The following SEMA3D variants were observed in gnomAD, a reference collection of about 807,000 sequenced individuals.
SEMA3D encodes the protein semaphorin-3D.
SEMA3D carries 84 observed loss-of-function variants against 100.1 expected under a neutral mutation model. The observed-to-expected ratio is 0.84, with a 90% confidence interval of 0.70 to 1.01. The LOEUF is 1.01. Among genes scored for constraint, SEMA3D ranks in the 50% least tolerant of loss-of-function variants. The probability of loss-of-function intolerance (pLI) is 0.00; values close to 1 mark genes in which losing one functional copy is unlikely to be tolerated. For synonymous variants in SEMA3D, 312 were observed against 320.7 expected (o/e 0.97, Z 0.29); for missense variants, 875 against 934.1 (o/e 0.94, Z 0.82).
intron 1 of SEMA3D, among the ~76,000 whole-genome samples, chr7:85,177,613 G>C (rs1791275113): frequency 6.6e-6 from 1 of 152,130 alleles, no homozygotes; most frequent in South Asian, 2.1e-4. Flanking sequence ...TTGATTTATA[G>C]AGATGACTAA....
chr7:85,003,610 T>TATA (rs10646230), intron 18 of SEMA3D, among the ~76,000 whole-genome samples: 42,259 of 151,472 alleles, frequency 0.28, 6,143 homozygotes, highest in Non-Finnish European at 0.33. Context: ...AAAATAAATG[T>TATA]ATATGTATAA....
At position 84,999,588 on chromosome 7, in the gene SEMA3D, T is replaced by C. The variant is rs1341509817; in HGVS notation, c.2186A>G (p.Gln729Arg). 6.2e-7 allele frequency: 1 copy of C among 1,614,042 alleles called. No homozygotes were observed. Among genetic ancestry groups the C allele is most frequent in the East Asian group, 2.2e-5 (1 of 44,886 alleles). The change falls in exon 19 of 19, where the codon CAG becomes CGG. Residue 729 changes from glutamine to arginine, a missense_variant. Coordinates refer to ENST00000284136, the MANE Select transcript of SEMA3D (RefSeq NM_001384900.1). ...CCTGTGCCACATCTGTTCGCAGTACTGGTCGAGGCTGAAGTTTGGGCTGCT... is the reference window on the plus strand; with the variant it reads ...CCTGTGCCACATCTGTTCGCAGTACCGGTCGAGGCTGAAGTTTGGGCTGCT... ...ILSSPNFSLDQYCEQMWHREK... is the reference protein window; with the variant it reads ...ILSSPNFSLDRYCEQMWHREK...
intron 9 of SEMA3D, among the ~76,000 whole-genome samples, chr7:85,051,478 A>G (rs1791163537): frequency 6.6e-6 from 1 of 151,858 alleles, no homozygotes; most frequent in South Asian, 2.1e-4. Flanking sequence ...ATTTCCTCTC[A>G]ATTGCCTCTG....
intron 16 of SEMA3D, among the ~76,000 whole-genome samples, chr7:85,013,348 A>G (rs952451832): frequency 1.3e-5 from 2 of 151,810 alleles, no homozygotes; most frequent in African/African-American, 4.8e-5. Context: ...AACTTGAAAT[A>G]GAATTATAAA....
chr7:85,060,310 C>G (rs954337097), intron 8 of SEMA3D, among the ~76,000 whole-genome samples: 2 of 152,128 alleles, frequency 1.3e-5, no homozygotes, highest in Non-Finnish European at 2.9e-5. Context: ...AAAATAAATA[C>G]AAGTTGCAAG....
At chr7:85,055,464 A>G (rs1791280867) in intron 9 of SEMA3D, among the ~76,000 whole-genome samples, 1 of 151,458 alleles carries the variant, frequency 6.6e-6, no homozygotes, top group Non-Finnish European at 1.5e-5. Context: ...AATAAACTGT[A>G]ATGTTTGAAA....
chr7:85,102,671 A>G (rs1456370366), intron 3 of SEMA3D, among the ~76,000 whole-genome samples: 1 of 152,050 alleles, frequency 6.6e-6, no homozygotes, highest in Non-Finnish European at 1.5e-5. Context: ...CAAGTGGATG[A>G]GAATGGGGAA....
At chr7:85,031,458 G>A (rs1426386040) in intron 12 of SEMA3D, among the ~76,000 whole-genome samples, 1 of 151,996 alleles carries the variant, frequency 6.6e-6, no homozygotes, top group African/African-American at 2.4e-5. Context: ...AATGGTAAGT[G>A]TAGTAAAGTT....
chr7:85,073,015 T>C lies in SEMA3D; in HGVS notation c.442A>G (p.Thr148Ala). 2 of 1,611,078 alleles carry C rather than the reference T, an allele frequency of 1.2e-6. No homozygotes were observed. The highest frequency in any genetic ancestry group is 1.7e-6 in the Non-Finnish European group (2 of 1,177,504). Reference sequence around the variant, plus strand: ...CCACATATTGGATGAAATGCTCCAGTTCCACACACATATATGTGAGTTTTG... The same window carrying C: ...CCACATATTGGATGAAATGCTCCAGCTCCACACACATATATGTGAGTTTTG... ...YNKTHIYVCG[T>A]GAFHPICGYI... is the part of the protein sequence containing the mutation. Residue 148 changes from threonine to alanine, a missense_variant, in exon 6 of 19, where the codon ACT (threonine) becomes GCT (alanine). Coordinates refer to ENST00000284136, the MANE Select transcript of SEMA3D (RefSeq NM_001384900.1).
At chr7:85,036,461 A>G (rs1253677868) in intron 12 of SEMA3D, among the ~76,000 whole-genome samples, 1 of 152,184 alleles carries the variant, frequency 6.6e-6, no homozygotes, top group Non-Finnish European at 1.5e-5. Flanking sequence ...ACCAAAAAAG[A>G]GATAAATTAA....
the SEMA3D span, among the ~76,000 whole-genome samples, chr7:85,233,519 T>C: frequency 6.6e-6 from 1 of 152,204 alleles, no homozygotes; most frequent in Non-Finnish European, 1.5e-5. Context: ...GAGCAGAAGA[T>C]GAGTAGACAG....
chr7:85,150,367 A>G (rs978302649), intron 2 of SEMA3D, among the ~76,000 whole-genome samples: 1 of 135,298 alleles, frequency 7.4e-6, no homozygotes, highest in South Asian at 2.4e-4. Context: ...ATATATATAT[A>G]TTATATATAT....
chr7:85,181,363 T>G (rs372855388), intron 1 of SEMA3D, among the ~76,000 whole-genome samples: 4 of 86,720 alleles, frequency 4.6e-5, no homozygotes, highest in Non-Finnish European at 8.3e-5. Context: ...CACACACACA[T>G]GCACTGCTAG....
At chr7:85,066,832 C>T (rs140833621) in intron 7 of SEMA3D, among the ~76,000 whole-genome samples, 17 of 149,896 alleles carry the variant, frequency 1.1e-4, no homozygotes, top group Admixed American at 4.0e-4. Context: ...TTTCAATGAA[C>T]GATCAGGGAT....
At chr7:85,089,345 A>G (rs1788311323) in intron 4 of SEMA3D, among the ~76,000 whole-genome samples, 1 of 152,088 alleles carries the variant, frequency 6.6e-6, no homozygotes, top group South Asian at 2.1e-4. Context: ...ATACCTGTCA[A>G]TTTTATTATC....
At chr7:85,207,897 T>A in the SEMA3D span, among the ~76,000 whole-genome samples, 1 of 152,048 alleles carries the variant, frequency 6.6e-6, no homozygotes, top group African/African-American at 2.4e-5. Flanking sequence ...AAAAATCATT[T>A]AATACATTAG....
chr7:84,999,673 T>G lies in SEMA3D; in HGVS notation c.2101A>C (p.Lys701Gln), dbSNP rs7800072. 505,916 of 1,613,526 alleles carry G rather than the reference T, an allele frequency of 0.31. 81,188 individuals are homozygous for G. Among genetic ancestry groups the G allele is most frequent in the African/African-American group, 0.37 (27,893 of 74,858 alleles). The change falls in exon 19 of 19, where the codon AAG becomes CAG. Residue 701 changes from lysine (K) to glutamine (Q), a missense_variant. By Grantham distance (53) the Lys-to-Gln change is moderately conservative. Transcript: ENST00000284136. ...NTQRAEHEEG[K>Q]VKDLLAESRL... Reference sequence around the variant, plus strand: ...GACTCAGCCAATAGATCCTTGACCTTCCCCTCCTCATGCTCTGCCCTCTGG... The same window carrying G: ...GACTCAGCCAATAGATCCTTGACCTGCCCCTCCTCATGCTCTGCCCTCTGG...
chr7:85,142,862 T>G, intron 2 of SEMA3D: 2 of 985,188 alleles, frequency 2.0e-6, no homozygotes, highest in Non-Finnish European at 2.4e-6. Context: ...CTTTTTCTTT[T>G]CTGAATATGT....
the SEMA3D span, among the ~76,000 whole-genome samples, chr7:85,202,560 C>A: frequency 2.6e-5 from 4 of 152,010 alleles, no homozygotes; most frequent in Non-Finnish European, 5.9e-5. Flanking sequence ...AGGCAACCTA[C>A]AAAATGGGAG....
Sources: gnomAD v4.1 joint callset for allele counts (sites outside exome capture counted in the v4.1 genomes callset) on GRCh38, gnomAD v4.1.1 for gene constraint, MANE v1.5 for transcripts, NCBI Gene and HGNC (gene_info 2026-07-23, HGNC 2026-07-21) for gene names.